SPEF2: variants seen among roughly 807,000 people sequenced by gnomAD.
The protein encoded by SPEF2 is sperm flagellar and cilia associated 2, also known as sperm flagella and cilia-associated protein 2.
In SPEF2, 187 loss-of-function variants were observed where a neutral mutation model predicts 224.6. The ratio of observed to expected loss-of-function variants is 0.83; its 90% CI spans 0.74 to 0.94. SPEF2 has a LOEUF of 0.94. SPEF2 is among the 40% of genes least tolerant of loss of function. The probability of loss-of-function intolerance (pLI) is 0.00; values close to 1 mark genes in which losing one functional copy is unlikely to be tolerated. For missense variants in SPEF2, 2,170 were observed against 2,135.6 expected (o/e 1.02, Z -0.32); for synonymous variants, 715 against 707.3 (o/e 1.01, Z -0.17).
chr5:35,751,047 ATATATATACGTATATATATG>A (rs1432377177), intron 23 of SPEF2, among the ~76,000 whole-genome samples: 6 of 82,276 alleles, frequency 7.3e-5, no homozygotes, highest in Non-Finnish European at 1.4e-4. Context: ...ACATATGTAT[ATATATATACGTATATATATG>A]TATATATATA....
At chr5:35,650,130 A>AG (rs1428026545) in intron 6 of SPEF2, among the ~76,000 whole-genome samples, 2 of 152,234 alleles carry the variant, frequency 1.3e-5, no homozygotes, top group African/African-American at 2.4e-5. Context: ...AAGCAGAAAA[A>AG]AATTACATAC....
intron 10 of SPEF2, among the ~76,000 whole-genome samples, chr5:35,681,631 A>G (rs1752816702): frequency 6.6e-6 from 1 of 152,240 alleles, no homozygotes; most frequent in Admixed American, 6.5e-5. Flanking sequence ...CAAAATAAAT[A>G]TAATAAAACA....
chr5:35,646,117 C>G (rs1324017176), intron 4 of SPEF2, among the ~76,000 whole-genome samples: 1 of 152,126 alleles, frequency 6.6e-6, no homozygotes, highest in Non-Finnish European at 1.5e-5. Flanking sequence ...TGCCTACATA[C>G]AGAAGAGATG....
At chr5:35,622,208 C>T (rs932416433) in intron 1 of SPEF2, among the ~76,000 whole-genome samples, 1 of 151,862 alleles carries the variant, frequency 6.6e-6, no homozygotes, top group South Asian at 2.1e-4. Flanking sequence ...TATATTAAAT[C>T]TTAGTAGCAT....
chr5:35,691,986 G>A (rs904228739), intron 11 of SPEF2, among the ~76,000 whole-genome samples: 13 of 151,694 alleles, frequency 8.6e-5, no homozygotes, highest in Admixed American at 3.9e-4. Flanking sequence ...TTTTAGTAGA[G>A]ACAGGGTTTC....
intron 7 of SPEF2, among the ~76,000 whole-genome samples, chr5:35,657,097 A>G (rs546142080): frequency 1.5e-4 from 23 of 152,304 alleles, no homozygotes; most frequent in African/African-American, 5.3e-4. Context: ...ACTTCCTTCA[A>G]TTACTTGCTG....
chr5:35,796,374 G>A (rs111560899), intron 33 of SPEF2, among the ~76,000 whole-genome samples: 5 of 152,290 alleles, frequency 3.3e-5, no homozygotes, highest in African/African-American at 7.2e-5. Context: ...TTGGGAGGCC[G>A]AGGCAGGCTG....
At position 35,690,591 on chromosome 5, in the gene SPEF2, G is replaced by A. The variant is rs190027965; in HGVS notation, c.1525-446G>A. On this transcript the variant is annotated intron_variant, in intron 10 of 36. Transcript: ENST00000356031. ...GATCATTTGATCATTTCATCAAGAA[G>A]CCTGAATAAAGCGGGAGTTAAACAC... 7.2e-5 allele frequency among the ~76,000 whole-genome samples: 11 copies of A among 152,202 alleles called. No homozygotes were observed. The East Asian group carries it at 2.1e-3, about 29-fold the overall frequency.
At chr5:35,813,500 A>T (rs1580820800) in intron 36 of SPEF2, among the ~76,000 whole-genome samples, 1 of 152,328 alleles carries the variant, frequency 6.6e-6, no homozygotes, top group African/African-American at 2.4e-5. Flanking sequence ...TCTAAAAAAA[A>T]TAAATAATAA....
Position 35,779,270 on chromosome 5 carries a change from A to C in SPEF2, c.4371A>C (p.Glu1457Asp). ...CATCAATACGTCCTCCACCTGTAGAAAAGGAAGAAGATGGTACCCTGACCA... is the reference window on the plus strand; with the variant it reads ...CATCAATACGTCCTCCACCTGTAGACAAGGAAGAAGATGGTACCCTGACCA... ...PPPSIRPPPVEKEEDGTLTIE... is the reference protein window; with the variant it reads ...PPPSIRPPPVDKEEDGTLTIE... The change falls in exon 30 of 37, where the codon GAA becomes GAC. Residue 1457 changes from glutamate (E) to aspartate (D), a missense_variant. By Grantham distance (45) the Glu-to-Asp change is conservative. Transcript: ENST00000356031. The C allele has an allele frequency of 6.2e-7, 1 of 1,614,004 alleles. No individual in the cohort carries two copies. The highest frequency in any genetic ancestry group is 1.1e-5 in the South Asian group (1 of 91,068).
At chr5:35,736,693 A>G (rs948912047) in intron 21 of SPEF2, among the ~76,000 whole-genome samples, 2 of 152,192 alleles carry the variant, frequency 1.3e-5, no homozygotes, top group African/African-American at 4.8e-5. Flanking sequence ...AAACCATATC[A>G]TGGATGCCTA....
rs940148108 is a variant in SPEF2, at chr5:35,678,163, C to G, written c.1524+7936C>G. On this transcript the variant is annotated intron_variant, in intron 10 of 36. Coordinates refer to ENST00000356031, the MANE Select transcript of SPEF2 (RefSeq NM_024867.4). ...GGCTAAAATTAAACATGCCTGTTTT[C>G]GTACCATTAGATTAGGGCAGACTGA... 2.6e-5 allele frequency among the ~76,000 whole-genome samples: 4 copies of G among 152,190 alleles called. No homozygotes were observed. The East Asian group carries it at 7.7e-4, about 29-fold the overall frequency.
chr5:35,675,519 G>A (rs1177354984), intron 10 of SPEF2: 1 of 156,720 alleles, frequency 6.4e-6, no homozygotes, highest in East Asian at 1.8e-4. Context: ...ATCTTGGTTG[G>A]TTAGGATTCC....
At chr5:35,775,186 C>T (rs1413022651) in intron 28 of SPEF2, among the ~76,000 whole-genome samples, 1 of 152,026 alleles carries the variant, frequency 6.6e-6, no homozygotes, top group Non-Finnish European at 1.5e-5. Flanking sequence ...GTAGTCACAG[C>T]TACTGAAGAG....
intron 23 of SPEF2, among the ~76,000 whole-genome samples, chr5:35,741,895 G>A (rs1257590530): frequency 6.6e-6 from 1 of 152,132 alleles, no homozygotes. Flanking sequence ...TTAGTCAGGT[G>A]ATTGTTGGCA....
chr5:35,727,223 CTT>C (rs1288492574), intron 20 of SPEF2, among the ~76,000 whole-genome samples: 5 of 152,288 alleles, frequency 3.3e-5, no homozygotes, highest in East Asian at 1.9e-4. Context: ...CCAGCTGACT[CTT>C]ATAACATCCT....
chr5:35,789,872 C>T (rs1323290141), intron 30 of SPEF2: 3 of 702,978 alleles, frequency 4.3e-6, no homozygotes, highest in Admixed American at 4.0e-5. Flanking sequence ...CAATGTGAAA[C>T]TTAGTGAAGT....
intron 30 of SPEF2, chr5:35,791,198 T>A (rs1467616722): frequency 6.6e-6 from 1 of 152,176 alleles, no homozygotes; most frequent in Admixed American, 6.5e-5. Context: ...TGCTCTCATG[T>A]CTATAAAACT....
intron 21 of SPEF2, among the ~76,000 whole-genome samples, chr5:35,729,202 T>C (rs1017114390): frequency 6.6e-6 from 1 of 152,136 alleles, no homozygotes; most frequent in African/African-American, 2.4e-5. Context: ...TATTTACACA[T>C]GTGAAGGCAA....
Sources: allele counts gnomAD v4.1 joint callset (sites outside exome capture counted in the v4.1 genomes callset), GRCh38; gene constraint gnomAD v4.1.1; transcripts MANE v1.5; gene names NCBI Gene and HGNC (gene_info 2026-07-23, HGNC 2026-07-21).